RARB: variants seen among roughly 807,000 people sequenced by gnomAD.
The protein encoded by RARB is HBV-activated protein.
In RARB, 17 loss-of-function variants were observed where a neutral mutation model predicts 51.9. That is an observed-to-expected ratio of 0.33 (90% CI 0.22 to 0.49). The LOEUF (loss-of-function observed/expected upper bound fraction) is 0.49. Ranked by LOEUF, RARB falls within the 20% of genes least tolerant of loss-of-function variation. The pLI is 0.99. For missense variants in RARB, 369 were observed against 550.8 expected, an observed-to-expected ratio of 0.67 and a Z score of 3.30; for synonymous variants, 215 against 195.4, an observed-to-expected ratio of 1.10 and a Z score of -0.84.
At chr3:25,587,410 T>C (rs1701435555) in intron 5 of RARB, among the ~76,000 whole-genome samples, 1 of 152,148 alleles carries the variant, frequency 6.6e-6, no homozygotes, top group African/African-American at 2.4e-5. Context: ...TATTTAAACA[T>C]GTATAATATC....
At chr3:25,235,948 G>A (rs1351759949) in intron 5 of RARB, among the ~76,000 whole-genome samples, 1 of 151,988 alleles carries the variant, frequency 6.6e-6, no homozygotes, top group Non-Finnish European at 1.5e-5. Context: ...TCAACTCTAG[G>A]ATTGTAAAAA....
chr3:25,470,838 A>G (rs1575435280), intron 2 of RARB, among the ~76,000 whole-genome samples: 1 of 152,134 alleles, frequency 6.6e-6, no homozygotes. Context: ...CATTATTACC[A>G]AGTCATTAGT....
chr3:25,280,254 T>G (rs1703490413), intron 5 of RARB, among the ~76,000 whole-genome samples: 1 of 152,172 alleles, frequency 6.6e-6, no homozygotes, highest in Non-Finnish European at 1.5e-5. Context: ...TTCAGATTCT[T>G]TTCTCTGACC....
chr3:25,224,168 TGAA>T, intron 5 of RARB, among the ~76,000 whole-genome samples: 1 of 152,322 alleles, frequency 6.6e-6, no homozygotes, highest in South Asian at 2.1e-4. Flanking sequence ...TTTGTGCAGT[TGAA>T]GATAATTTTT....
chr3:25,416,241 TAGTC>T (rs1348238491), intron 5 of RARB, among the ~76,000 whole-genome samples: 10 of 152,152 alleles, frequency 6.6e-5, no homozygotes, highest in Admixed American at 1.3e-4. Flanking sequence ...TAAAAACAAT[TAGTC>T]AGGCATGGTG....
chr3:25,486,382 C>G (rs1205421937), intron 2 of RARB, among the ~76,000 whole-genome samples: 2 of 152,196 alleles, frequency 1.3e-5, no homozygotes, highest in African/African-American at 4.8e-5. Context: ...AGAAAGTAGA[C>G]TAGCTTAGAG....
chr3:24,896,475 G>A (rs35018962), intron 2 of RARB, among the ~76,000 whole-genome samples: 25,877 of 151,814 alleles, frequency 0.17, 2,771 homozygotes, highest in African/African-American at 0.3. Context: ...TAGCCAGGAT[G>A]GTCTCGATCT....
chr3:25,439,958 A>G (rs1288827380), intron 1 of RARB, among the ~76,000 whole-genome samples: 7 of 152,134 alleles, frequency 4.6e-5, no homozygotes, highest in Admixed American at 3.9e-4. Context: ...GGTTGGGTAG[A>G]CATTCTTCGT....
At chr3:25,067,332 A>G (rs1053899688) in intron 3 of RARB, among the ~76,000 whole-genome samples, 2 of 152,236 alleles carry the variant, frequency 1.3e-5, no homozygotes, top group Non-Finnish European at 2.9e-5. Context: ...GAAAAGAAGC[A>G]GAGAAGTACT....
At chr3:25,030,771 C>G (rs987639217) in intron 2 of RARB, among the ~76,000 whole-genome samples, 14 of 152,296 alleles carry the variant, frequency 9.2e-5, no homozygotes, top group African/African-American at 2.6e-4. Context: ...TGCTCTCTTG[C>G]ATTTACCAAA....
chr3:25,264,412 C>T (rs934586443), intron 5 of RARB, among the ~76,000 whole-genome samples: 3 of 152,098 alleles, frequency 2.0e-5, no homozygotes, highest in Admixed American at 6.6e-5. Context: ...CCAGCAAAAC[C>T]TTGAACAATG....
intron 2 of RARB, 54 bp downstream of exon 2, chr3:25,461,395 G>A (rs1695172960): frequency 6.3e-7 from 1 of 1,581,518 alleles, no homozygotes; most frequent in South Asian, 1.2e-5. Context: ...TGTACTTTAT[G>A]GAGGTGACCT....
intron 5 of RARB, among the ~76,000 whole-genome samples, chr3:25,364,700 A>G (rs1455060895): frequency 6.6e-6 from 1 of 152,208 alleles, no homozygotes; most frequent in Admixed American, 6.5e-5. Context: ...TCTATTTGAC[A>G]TGCAAGGCAA....
At chr3:24,945,803 A>G (rs116835570) in intron 2 of RARB, among the ~76,000 whole-genome samples, 3,023 of 152,306 alleles carry the variant, frequency 0.02, 59 homozygotes, top group Middle Eastern at 0.065. Context: ...ACTTCTCTCT[A>G]AAGTCAGTGA....
chr3:25,012,830 G>A (rs112644487), intron 2 of RARB, among the ~76,000 whole-genome samples: 36 of 152,072 alleles, frequency 2.4e-4, no homozygotes, highest in African/African-American at 6.5e-4. Flanking sequence ...TAAACAATAC[G>A]GTAGGCACAA....
chr3:25,019,809 G>A (rs1056878861), intron 2 of RARB, among the ~76,000 whole-genome samples: 3 of 152,236 alleles, frequency 2.0e-5, no homozygotes, highest in Middle Eastern at 3.4e-3. Flanking sequence ...GCAGACCAAC[G>A]CTGGATGATC....
chr3:25,354,995 A>C (rs1559369267), intron 5 of RARB, among the ~76,000 whole-genome samples: 2 of 151,792 alleles, frequency 1.3e-5, no homozygotes, highest in Non-Finnish European at 2.9e-5. Flanking sequence ...CAGCTCTTCC[A>C]CTTCATAAGC....
intron 3 of RARB, among the ~76,000 whole-genome samples, chr3:25,067,987 A>G (rs1300623971): frequency 2.0e-5 from 3 of 151,828 alleles, no homozygotes; most frequent in Admixed American, 1.3e-4. Context: ...AAATAAAAAA[A>G]TTAGCTGCAC....
chr3:25,371,500 G>A (rs550261122), intron 5 of RARB, among the ~76,000 whole-genome samples: 1 of 152,280 alleles, frequency 6.6e-6, no homozygotes, highest in Non-Finnish European at 1.5e-5. Context: ...ATCTTTCATG[G>A]TTTCTGATTT....
Sources: allele counts gnomAD v4.1 joint callset (sites outside exome capture counted in the v4.1 genomes callset), GRCh38; gene constraint gnomAD v4.1.1; transcripts MANE v1.5; gene names NCBI Gene and HGNC (gene_info 2026-07-23, HGNC 2026-07-21).